UBTD2: variants seen among roughly 807,000 people sequenced by gnomAD.
UBTD2 encodes the protein ubiquitin domain containing 2.
Under a neutral mutation model 19.8 loss-of-function variants are expected in UBTD2, and 9 were observed. The observed-to-expected ratio is 0.46, with a 90% CI of 0.27 to 0.79. UBTD2 has a LOEUF of 0.79. Among genes scored for constraint, UBTD2 ranks in the 30% least tolerant of loss-of-function variants. The pLI, the probability that UBTD2 is intolerant of heterozygous loss-of-function variation, is 0.14. For missense variants in UBTD2, 250 were observed against 300.4 expected, an observed-to-expected ratio of 0.83 and a Z score of 1.24; for synonymous variants, 98 against 103.9, an observed-to-expected ratio of 0.94 and a Z score of 0.35.
intron 1 of UBTD2, among the ~76,000 whole-genome samples, chr5:172,247,701 G>T (rs955701328): frequency 6.6e-6 from 1 of 152,116 alleles, no homozygotes; most frequent in Non-Finnish European, 1.5e-5. Context: ...AGCAAGCACA[G>T]AATTGAAGGG....
At chr5:172,244,404 C>T (rs1239993637) in intron 1 of UBTD2, among the ~76,000 whole-genome samples, 1 of 148,854 alleles carries the variant, frequency 6.7e-6, no homozygotes, top group African/African-American at 2.5e-5. Flanking sequence ...GCAAGCAATT[C>T]TCCTGCCTCA....
intron 1 of UBTD2, among the ~76,000 whole-genome samples, chr5:172,270,618 T>C (rs2113121458): frequency 6.6e-6 from 1 of 152,232 alleles, no homozygotes; most frequent in East Asian, 1.9e-4. Flanking sequence ...CCTCCCAAAG[T>C]GCTGGGATTA....
Position 172,273,590 on chromosome 5 carries a change from CAAAAAAAAAAAAA to C in UBTD2, c.70+9993_70+10005del, listed in dbSNP as rs35687001. On this transcript the variant is annotated intron_variant, in intron 1 of 2. Transcript: ENST00000393792. ...TGGGCGACAGAGTGAGACTCCGTCT[CAAAAAAAAAAAAA>C]AAAAAAAAAAAAAAAAGGCTTTCCA... Among the ~76,000 whole-genome samples, 310 of 36,414 alleles carry C rather than the reference CAAAAAAAAAAAAA, an allele frequency of 8.5e-3. 2 individuals are homozygous for C. The highest frequency in any genetic ancestry group is 0.012 in the Non-Finnish European group (223 of 19,326). The allele number at this position is 36,414 out of a possible 152,430, so 23.9% of individuals were successfully genotyped here. A position where few individuals can be genotyped will look rare whatever the true frequency, so the allele number is the denominator to read the frequency against.
intron 1 of UBTD2, among the ~76,000 whole-genome samples, chr5:172,268,173 T>G (rs1434286481): frequency 1.3e-5 from 2 of 152,166 alleles, no homozygotes; most frequent in African/African-American, 4.8e-5. Flanking sequence ...GATAGAAGTT[T>G]TTTTTTTTAA....
At chr5:172,253,111 A>T (rs1465203637) in intron 1 of UBTD2, among the ~76,000 whole-genome samples, 13 of 151,928 alleles carry the variant, frequency 8.6e-5, no homozygotes, top group Non-Finnish European at 1.9e-4. Context: ...CTCAGTGCAG[A>T]CTCAAACTCC....
intron 2 of UBTD2, among the ~76,000 whole-genome samples, chr5:172,228,643 C>A (rs1274411806): frequency 6.6e-6 from 1 of 152,074 alleles, no homozygotes; most frequent in Non-Finnish European, 1.5e-5. Context: ...ATTGCTTGAA[C>A]CCAGGAGGTG....
chr5:172,267,929 C>G (rs1468220984), intron 1 of UBTD2, among the ~76,000 whole-genome samples: 2 of 152,200 alleles, frequency 1.3e-5, no homozygotes, highest in African/African-American at 2.4e-5. Context: ...GTTCTTCTGA[C>G]TCCCAGATCT....
intron 1 of UBTD2, among the ~76,000 whole-genome samples, chr5:172,261,771 T>C (rs1755274588): frequency 6.6e-6 from 1 of 152,118 alleles, no homozygotes; most frequent in South Asian, 2.1e-4. Context: ...ATTACAGGCA[T>C]GCGCCTCCAC....
chr5:172,254,831 G>T, intron 1 of UBTD2: 2 of 546,814 alleles, frequency 3.7e-6, no homozygotes, highest in Admixed American at 2.7e-5. Flanking sequence ...TTTTTTCTCT[G>T]GTACAGGATT....
At chr5:172,220,486 C>G (rs763184200) in intron 2 of UBTD2, among the ~76,000 whole-genome samples, 6 of 152,016 alleles carry the variant, frequency 3.9e-5, no homozygotes, top group Non-Finnish European at 8.8e-5. Context: ...AAATACAAAA[C>G]TAGCCGAGCG....
upstream of UBTD2, chr5:172,283,914 C>T: frequency 6.5e-6 from 1 of 154,524 alleles, no homozygotes; most frequent in Non-Finnish European, 1.4e-5. The surrounding 1 kb of genome is among the most constrained non-coding windows in gnomAD (Gnocchi z 4.3). Context: ...GCGCCGCCCT[C>T]GCCTTCGGCT....
chr5:172,241,052 CT>C (rs35160270), intron 1 of UBTD2, among the ~76,000 whole-genome samples: 46,240 of 147,102 alleles, frequency 0.31, 7,033 homozygotes, highest in South Asian at 0.42. Context: ...CATGAGTTAA[CT>C]TTTTTTTTTT....
chr5:172,222,553 C>T (rs1771673378), intron 2 of UBTD2, among the ~76,000 whole-genome samples: 2 of 152,170 alleles, frequency 1.3e-5, no homozygotes, highest in African/African-American at 2.4e-5. Flanking sequence ...ATCAAACACA[C>T]GTGCTGAGAC....
At chr5:172,223,523 C>T (rs557916216) in intron 2 of UBTD2, among the ~76,000 whole-genome samples, 11 of 140,302 alleles carry the variant, frequency 7.8e-5, no homozygotes, top group South Asian at 2.2e-4. Context: ...TGCTTGAACC[C>T]GGGAGGCAGA....
intron 1 of UBTD2, chr5:172,252,393 T>A (rs1357812619): frequency 6.6e-6 from 1 of 152,120 alleles, no homozygotes; most frequent in African/African-American, 2.4e-5. Flanking sequence ...ACCAAAGACA[T>A]GATGCCCAGG....
At chr5:172,248,413 C>A (rs1410922366) in intron 1 of UBTD2, among the ~76,000 whole-genome samples, 2 of 152,022 alleles carry the variant, frequency 1.3e-5, no homozygotes, top group Non-Finnish European at 2.9e-5. Flanking sequence ...TATGGTGAAA[C>A]CCCATCTCTA....
rs542165067 is a variant in UBTD2 at position 172,242,721 on chromosome 5, G to C, written c.71-8363C>G. On this transcript the variant is annotated intron_variant, in intron 1 of 2. Transcript: ENST00000393792. ...CTTGGCAATTACCAGTACAGGGGGT[G>C]ATCTCTGACATCTTGAATATCCTGT... Among the ~76,000 whole-genome samples the C allele has an allele frequency of 1.7e-4, 26 of 152,306 alleles. No homozygotes were observed. The South Asian group carries it at 4.6e-3, about 27-fold the overall frequency.
In UBTD2 at chr5:172,234,107, G is replaced by A; in HGVS notation, c.307+15C>T. The A allele has an allele frequency of 6.2e-7, 1 of 1,612,234 alleles. No individual in the cohort carries two copies. Among genetic ancestry groups the A allele is most frequent in the African/African-American group, 1.3e-5 (1 of 74,992 alleles). On this transcript the variant is annotated intron_variant, in intron 2 of 2. Coordinates refer to ENST00000393792, the MANE Select transcript of UBTD2 (RefSeq NM_152277.3). ...TGATTATGTTTCCTCTGTCCTTGAGGAACACCAAACCTACCATGTGGTAAT... is the reference window on the plus strand; with the variant it reads ...TGATTATGTTTCCTCTGTCCTTGAGAAACACCAAACCTACCATGTGGTAAT...
At chr5:172,232,639 T>C (rs150597638) in intron 2 of UBTD2, among the ~76,000 whole-genome samples, 2,168 of 152,094 alleles carry the variant, frequency 0.014, 85 homozygotes, top group Admixed American at 0.079. Flanking sequence ...GGCAGGAGGA[T>C]TGCTTGAACC....
Sources: gnomAD v4.1 joint callset for allele counts (sites outside exome capture counted in the v4.1 genomes callset) on GRCh38, gnomAD v4.1.1 for gene constraint, Gnocchi (gnomAD v3.1) non-coding constraint, MANE v1.5 for transcripts, NCBI Gene and HGNC (gene_info 2026-07-23, HGNC 2026-07-21) for gene names.